ZNF268: variants seen among roughly 807,000 people sequenced by gnomAD.
ZNF268 encodes the protein zinc finger protein 268.
In ZNF268, 20 loss-of-function variants were observed where a neutral mutation model predicts 29.3. That is an observed-to-expected ratio of 0.68 (90% CI 0.48 to 0.99). The LOEUF (loss-of-function observed/expected upper bound fraction) is 0.99. Among genes scored for constraint, ZNF268 ranks in the 50% least tolerant of loss-of-function variants. The probability of loss-of-function intolerance (pLI) is 0.00; values close to 1 mark genes in which losing one functional copy is unlikely to be tolerated. For synonymous variants in ZNF268, 429 were observed against 376.9 expected (o/e 1.14, Z -1.60); for missense variants, 1,240 against 1,121.6 (o/e 1.11, Z -1.51).
In ZNF268 at chr12:133,204,459, T is replaced by G. The variant is rs1039765030; in HGVS notation, c.2773T>G (p.Cys925Gly). The G allele has an allele frequency of 1.3e-6, 2 of 1,555,468 alleles. No homozygotes were observed. Among genetic ancestry groups the G allele is most frequent in the Admixed American group, 1.9e-5 (1 of 52,384 alleles). The change falls in exon 6 of 6, where the codon TGT becomes GGT. Residue 925 changes from cysteine (C) to glycine (G), a missense_variant. By Grantham distance (159) the Cys-to-Gly change is radical. Coordinates refer to ENST00000536435, the MANE Select transcript of ZNF268 (RefSeq NM_003415.3). ...AGAGAAGCCTTGTAAGTGCACTGAA[T>G]GTGGGAAAGCCTTTTGTTGGAAGTC... ...TGEKPCKCTE[C>G]GKAFCWKSQL... is the part of the protein sequence containing the mutation.
At chr12:133,201,434 A>G (rs1435355212) in intron 5 of ZNF268, among the ~76,000 whole-genome samples, 1 of 152,072 alleles carries the variant, frequency 6.6e-6, no homozygotes, top group Non-Finnish European at 1.5e-5. Flanking sequence ...ACAAACATTG[A>G]GACCTGTGCA....
intron 5 of ZNF268, among the ~76,000 whole-genome samples, chr12:133,197,742 A>G (rs1346370929): frequency 2.0e-5 from 3 of 152,160 alleles, no homozygotes; most frequent in Admixed American, 2.0e-4. Context: ...AACTGGTGTG[A>G]GATGGTATCT....
intron 5 of ZNF268, among the ~76,000 whole-genome samples, chr12:133,200,222 G>T (rs1310406885): frequency 2.0e-5 from 3 of 152,150 alleles, no homozygotes; most frequent in Non-Finnish European, 4.4e-5. Flanking sequence ...ATTCTGGTAT[G>T]TTGTGTCTTT....
At chr12:133,184,438 T>C (rs1044575501) in intron 2 of ZNF268, among the ~76,000 whole-genome samples, 3 of 152,046 alleles carry the variant, frequency 2.0e-5, no homozygotes, top group African/African-American at 4.8e-5. Context: ...ACTTTCTTGC[T>C]ACATCCTTAC....
chr12:133,200,833 G>T (rs1013742688), intron 5 of ZNF268, among the ~76,000 whole-genome samples: 8 of 151,910 alleles, frequency 5.3e-5, no homozygotes, highest in Non-Finnish European at 1.5e-5. Context: ...AGCTTATTCT[G>T]CTAGACCTTG....
Position 133,211,149 on chromosome 12 carries a change from G to A in ZNF268, c.*6619G>A. 1 of 368,340 alleles carries A rather than the reference G, an allele frequency of 2.7e-6. No individual in the cohort carries two copies. Among genetic ancestry groups the A allele is most frequent in the Non-Finnish European group, 5.5e-6 (1 of 182,426 alleles). 22.8% of individuals were successfully genotyped at this position (368,340 alleles called of 1,614,324 possible). ...TTGAAATAATGTATAGCAATAATTG[G>A]AATTTGTAATGAATAAAATCATTCA... On this transcript the variant is annotated 3_prime_UTR_variant, in exon 6 of 6. Coordinates refer to ENST00000536435, the MANE Select transcript of ZNF268 (RefSeq NM_003415.3).
chr12:133,187,607 T>G (rs866685477), intron 2 of ZNF268, among the ~76,000 whole-genome samples: 39 of 152,286 alleles, frequency 2.6e-4, no homozygotes, highest in Middle Eastern at 3.4e-3. Flanking sequence ...GAGGCTAGGA[T>G]GAGCCAGGAC....
chr12:133,200,754 CT>C, intron 5 of ZNF268, among the ~76,000 whole-genome samples: 1 of 152,146 alleles, frequency 6.6e-6, no homozygotes, highest in East Asian at 1.9e-4. Flanking sequence ...TTTTCCATGC[CT>C]GCTAGAGGAA....
In ZNF268 at chr12:133,211,241, A is replaced by T. The variant is rs1344916452; in HGVS notation, c.*6711A>T. 5.6e-6 allele frequency: 2 copies of T among 355,438 alleles called. No individual in the cohort carries two copies. The highest frequency in any genetic ancestry group is 4.3e-5 in the African/African-American group (2 of 46,686). The allele number at this position is 355,438 out of a possible 1,614,324, so 22.0% of individuals were successfully genotyped here. A position where few individuals can be genotyped will look rare whatever the true frequency, so the allele number is the denominator to read the frequency against. On this transcript the variant is annotated 3_prime_UTR_variant, in exon 6 of 6. Transcript: ENST00000536435. Reference sequence around the variant, plus strand: ...AAACCCTAAAATTGAACAAGAAGACAACCCAATTAAAAATGGGGACAGATC... The same window carrying T: ...AAACCCTAAAATTGAACAAGAAGACTACCCAATTAAAAATGGGGACAGATC...
rs1377266262 is a variant in ZNF268 at position 133,203,179 on chromosome 12, AACCTTATGT to A, written c.1495_1503del (p.Pro499_Val501del). ...CATCAGAGAAGTCACACAGGAATGA[AACCTTATGT>A]ATGCAATGAATGTGGCAAAGCCTTC... On this transcript the variant is annotated inframe_deletion, in exon 6 of 6. Transcript: ENST00000536435. The A allele has an allele frequency of 6.5e-7, 1 of 1,537,708 alleles. No homozygotes were observed. Among genetic ancestry groups the A allele is most frequent in the Non-Finnish European group, 8.7e-7 (1 of 1,146,850 alleles).
In ZNF268 at chr12:133,205,175, C is replaced by CAAAAAAAAAAAAAAAAAAAAAAAAAAAAA. The variant is rs1343948566; in HGVS notation, c.*647_*648insAAAAAAAAAAAAAAAAAAAAAAAAAAAAA. On this transcript the variant is annotated 3_prime_UTR_variant, in exon 6 of 6. Coordinates refer to ENST00000536435, the MANE Select transcript of ZNF268 (RefSeq NM_003415.3). ...AAAAAAAAAAAAAAAAAAAAAAAAC[C>CAAAAAAAAAAAAAAAAAAAAAAAAAAAAA]AACCTGTTATTATATCTTAATATTA... 7 of 21,792 alleles carry CAAAAAAAAAAAAAAAAAAAAAAAAAAAAA rather than the reference C, an allele frequency of 3.2e-4. No homozygotes were observed. Among genetic ancestry groups the CAAAAAAAAAAAAAAAAAAAAAAAAAAAAA allele is most frequent in the Admixed American group, 7.8e-4 (1 of 1,284 alleles). 1.3% of individuals were successfully genotyped at this position (21,792 alleles called of 1,614,324 possible).
intron 3 of ZNF268, 178 bp from the exon 4 acceptor site, chr12:133,191,311 T>C (rs11147290): frequency 0.32 from 196,556 of 620,448 alleles, 34,576 homozygotes; most frequent in African/African-American, 0.41. Context: ...AGTGAGACTC[T>C]GTCTCAACAA....
chr12:133,195,425 C>T (rs1044308492), intron 5 of ZNF268, among the ~76,000 whole-genome samples: 2 of 152,176 alleles, frequency 1.3e-5, no homozygotes, highest in Non-Finnish European at 2.9e-5. Context: ...GAACCATGTG[C>T]CAGGTGCAGT....
intron 5 of ZNF268, among the ~76,000 whole-genome samples, chr12:133,197,651 C>A (rs1379768352): frequency 6.6e-6 from 1 of 152,212 alleles, no homozygotes; most frequent in Non-Finnish European, 1.5e-5. Flanking sequence ...TACAGTCCCA[C>A]CAACAGTGTA....
At chr12:133,200,269 C>T (rs1190326621) in intron 5 of ZNF268, among the ~76,000 whole-genome samples, 1 of 152,080 alleles carries the variant, frequency 6.6e-6, no homozygotes, top group Non-Finnish European at 1.5e-5. Context: ...TTATTTCTGC[C>T]TTCATTTCGT....
chr12:133,199,296 T>A (rs2135514516), intron 5 of ZNF268, among the ~76,000 whole-genome samples: 1 of 152,292 alleles, frequency 6.6e-6, no homozygotes, highest in African/African-American at 2.4e-5. Flanking sequence ...GAGATAATCA[T>A]GTGGTTTTTG....
rs1176970549 is a variant in ZNF268 at position 133,199,300 on chromosome 12, G to GT, written c.458-2839dup. Among the ~76,000 whole-genome samples the GT allele has an allele frequency of 3.9e-5, 6 of 152,160 alleles. No homozygotes were observed. The East Asian group carries it at 1.2e-3, about 29-fold the overall frequency. ...CTGCATCTATTGAGATAATCATGTG[G>GT]TTTTTGTCTTTGGTTTTGTTTATAT... On this transcript the variant is annotated intron_variant, in intron 5 of 5. Transcript: ENST00000536435.
At chr12:133,192,107 C>CTTTTT in intron 5 of ZNF268, 104 bp downstream of exon 5, 21 of 532,306 alleles carry the variant, frequency 3.9e-5, no homozygotes, top group South Asian at 1.0e-4. Context: ...TTACCATGCA[C>CTTTTT]TTTTTTTTTT....
In ZNF268 at chr12:133,202,878, G is replaced by A. The variant is rs143257057; in HGVS notation, c.1192G>A (p.Gly398Ser). The A allele has an allele frequency of 2.9e-3, 4,452 of 1,560,290 alleles. 118 individuals carry two copies. In the African/African-American group the frequency reaches 0.055, roughly 19 times the overall value. ...GTGTAATGAATGTGGGAAAGCTTTT[G>A]GTTTAAAATCACAGCTCATTATACA... is the stretch of plus-strand genomic sequence containing the variant. ...YVCNECGKAF[G>S]LKSQLIIHER... is the part of the protein sequence containing the mutation. Residue 398 changes from glycine to serine, a missense_variant, in exon 6 of 6, where the codon GGT becomes AGT. Transcript: ENST00000536435.
Sources: allele counts gnomAD v4.1 joint callset (sites outside exome capture counted in the v4.1 genomes callset), GRCh38; gene constraint gnomAD v4.1.1; transcripts MANE v1.5; gene names NCBI Gene and HGNC (gene_info 2026-07-23, HGNC 2026-07-21).